The following FSTL1 variants were observed in gnomAD, a reference collection of about 807,000 sequenced individuals.
The protein encoded by FSTL1 is follistatin-related protein 1.
A neutral mutation model predicts 45.9 loss-of-function variants in FSTL1; 24 were observed. The observed-to-expected ratio is 0.52, with a 90% CI of 0.38 to 0.74. The LOEUF is 0.74. Ranked by LOEUF, FSTL1 falls within the 30% of genes least tolerant of loss-of-function variation. The pLI is 0.00. For synonymous variants in FSTL1, 120 were observed against 137.6 expected (o/e 0.87, Z 0.89); for missense variants, 340 against 381.8 (o/e 0.89, Z 0.91).
At chr3:120,417,284 G>A (rs1264745696) in intron 2 of FSTL1, among the ~76,000 whole-genome samples, 2 of 150,944 alleles carry the variant, frequency 1.3e-5, no homozygotes, top group Non-Finnish European at 2.9e-5. Flanking sequence ...CTCAAGATTA[G>A]GGGAAAAAAG....
chr3:120,421,035 ATC>A (rs1312379793), intron 2 of FSTL1: 1 of 152,254 alleles, frequency 6.6e-6, no homozygotes, highest in Non-Finnish European at 1.5e-5. Flanking sequence ...GTGATCGTGC[ATC>A]TGAGTCTCTG....
intron 2 of FSTL1, among the ~76,000 whole-genome samples, chr3:120,445,205 T>A (rs1268820062): frequency 6.7e-6 from 1 of 149,922 alleles, no homozygotes; most frequent in Non-Finnish European, 1.5e-5. Context: ...AAGGCTGTAT[T>A]TCACTGTGTT....
At chr3:120,412,011 G>A (rs377762680) in intron 3 of FSTL1, 28 bp from the exon 4 acceptor site, 7 of 1,597,896 alleles carry the variant, frequency 4.4e-6, no homozygotes, top group Non-Finnish European at 6.0e-6. Flanking sequence ...GAGAATGTTT[G>A]TGCAGTTATG....
At chr3:120,426,858 C>A (rs552109234) in intron 2 of FSTL1, among the ~76,000 whole-genome samples, 1 of 152,150 alleles carries the variant, frequency 6.6e-6, no homozygotes, top group Non-Finnish European at 1.5e-5. Flanking sequence ...GATCTGTGGG[C>A]TCCTCACTTC....
chr3:120,407,973 C>G (rs533100857), intron 6 of FSTL1, among the ~76,000 whole-genome samples: 2 of 152,162 alleles, frequency 1.3e-5, no homozygotes, highest in Non-Finnish European at 2.9e-5. Flanking sequence ...AATCTAATAG[C>G]AGGTGTCAGT....
chr3:120,433,947 G>GTACT (rs1937515309), intron 2 of FSTL1, among the ~76,000 whole-genome samples: 1 of 152,216 alleles, frequency 6.6e-6, no homozygotes. Context: ...GGTTTTAAAG[G>GTACT]TACTGATAAG....
At chr3:120,420,826 T>C (rs941786761) in intron 2 of FSTL1, among the ~76,000 whole-genome samples, 1 of 152,196 alleles carries the variant, frequency 6.6e-6, no homozygotes, top group African/African-American at 2.4e-5. Flanking sequence ...GATCTCACAG[T>C]TGTAGAATTG....
chr3:120,440,943 G>A lies in FSTL1; in HGVS notation c.63+9741C>T, dbSNP rs575773998. ...TCCAGGGCCAGGAAGGGGTGGGCAT[G>A]TGAGGCTGGCATCGGCCTGGCTGCA... On this transcript the variant is annotated intron_variant, in intron 2 of 10. Coordinates refer to ENST00000295633, the MANE Select transcript of FSTL1 (RefSeq NM_007085.5). Among the ~76,000 whole-genome samples, 3 of 152,334 alleles carry A rather than the reference G, an allele frequency of 2.0e-5. No individual in the cohort carries two copies. In the South Asian group the frequency reaches 6.2e-4, roughly 32 times the overall value.
intron 2 of FSTL1, among the ~76,000 whole-genome samples, chr3:120,427,208 C>T (rs1020223315): frequency 6.6e-6 from 1 of 152,246 alleles, no homozygotes. Context: ...AGTTACACCA[C>T]TCCATCCTCA....
At chr3:120,432,488 A>G (rs1937495910) in intron 2 of FSTL1, among the ~76,000 whole-genome samples, 1 of 152,136 alleles carries the variant, frequency 6.6e-6, no homozygotes, top group African/African-American at 2.4e-5. Flanking sequence ...AAACCCTCCG[A>G]GACCCTCAAG....
Position 120,395,982 on chromosome 3 carries a change from T to A in FSTL1, c.*970A>T, listed in dbSNP as rs950407034. 3 of 289,674 alleles carry A rather than the reference T, an allele frequency of 1.0e-5. No individual in the cohort carries two copies. Among genetic ancestry groups the A allele is most frequent in the African/African-American group, 6.9e-5 (3 of 43,480 alleles). The allele number at this position is 289,674 out of a possible 1,614,324, so 17.9% of individuals were successfully genotyped here. A position where few individuals can be genotyped will look rare whatever the true frequency, so the allele number is the denominator to read the frequency against. ...AAATTAATGTTTGGATCTTGAAAGT[T>A]TTTTATGAAGATGCTTCTTCCCCTG... On this transcript the variant is annotated 3_prime_UTR_variant, in exon 11 of 11. Transcript: ENST00000295633.
intron 2 of FSTL1, among the ~76,000 whole-genome samples, chr3:120,434,871 T>A (rs1937525485): frequency 6.6e-6 from 1 of 152,232 alleles, no homozygotes; most frequent in African/African-American, 2.4e-5. Flanking sequence ...GGTGCCATTT[T>A]AATTTACAGC....
intron 2 of FSTL1, among the ~76,000 whole-genome samples, chr3:120,443,043 T>C (rs956392960): frequency 1.4e-5 from 2 of 147,298 alleles, no homozygotes; most frequent in African/African-American, 5.4e-5. Context: ...TGTATACATA[T>C]GTAACTAACC....
At chr3:120,440,046 G>C (rs902875361) in intron 2 of FSTL1, among the ~76,000 whole-genome samples, 1 of 152,170 alleles carries the variant, frequency 6.6e-6, no homozygotes, top group African/African-American at 2.4e-5. Flanking sequence ...CCAGGATGTA[G>C]AGGCTGCAGT....
intron 2 of FSTL1, chr3:120,423,277 A>ATG (rs1937315971): frequency 6.6e-6 from 1 of 151,812 alleles, no homozygotes; most frequent in African/African-American, 2.4e-5. Flanking sequence ...CTCACATGTC[A>ATG]TCTCTGGAAT....
chr3:120,421,854 C>G (rs1259294), intron 2 of FSTL1, among the ~76,000 whole-genome samples: 90,040 of 152,030 alleles, frequency 0.59, 28,903 homozygotes, highest in Middle Eastern at 0.73. Context: ...TGTGGGGCCT[C>G]AAGCTTAAAT....
At chr3:120,440,088 G>A (rs780859288) in intron 2 of FSTL1, among the ~76,000 whole-genome samples, 34 of 152,104 alleles carry the variant, frequency 2.2e-4, no homozygotes, top group African/African-American at 7.7e-4. Flanking sequence ...TCTCCAGCCC[G>A]GGCAACAGAG....
intron 2 of FSTL1, among the ~76,000 whole-genome samples, chr3:120,446,573 G>C (rs1469152252): frequency 6.6e-6 from 1 of 152,182 alleles, no homozygotes; most frequent in African/African-American, 2.4e-5. Flanking sequence ...ATTTGCCAAA[G>C]GATAAACAAG....
intron 3 of FSTL1, among the ~76,000 whole-genome samples, chr3:120,413,962 T>G (rs1451221303): frequency 2.0e-5 from 3 of 151,974 alleles, no homozygotes; most frequent in Admixed American, 2.0e-4. Flanking sequence ...TGACTGGTTT[T>G]GGTGGAGACG....
Sources: gnomAD v4.1 joint callset for allele counts (sites outside exome capture counted in the v4.1 genomes callset) on GRCh38, gnomAD v4.1.1 for gene constraint, MANE v1.5 for transcripts, NCBI Gene and HGNC (gene_info 2026-07-23, HGNC 2026-07-21) for gene names.